UBR1: variants seen among roughly 807,000 people sequenced by gnomAD.
UBR1 encodes ubiquitin protein ligase E3 component n-recognin 1.
A neutral mutation model predicts 242.1 loss-of-function variants in UBR1; 102 were observed. The observed-to-expected ratio is 0.42, with a 90% CI of 0.36 to 0.50. UBR1 has a LOEUF of 0.50. Among genes scored for constraint, UBR1 ranks in the 20% least tolerant of loss-of-function variants. The pLI is 0.01. For synonymous variants in UBR1, 675 were observed against 684.8 expected (o/e 0.99, Z 0.22); for missense variants, 1,772 against 2,101.8 (o/e 0.84, Z 3.07).
intron 22 of UBR1, 114 bp from the exon 23 acceptor site, chr15:43,026,777 C>A: frequency 1.2e-6 from 1 of 849,968 alleles, no homozygotes; most frequent in Non-Finnish European, 1.8e-6. Flanking sequence ...AAAATTATGT[C>A]TCATTTAGCT....
Position 43,054,796 on chromosome 15 carries a change from T to C in UBR1, c.1385A>G (p.Gln462Arg), listed in dbSNP as rs757462259. 1.2e-6 allele frequency: 2 copies of C among 1,614,158 alleles called. No individual in the cohort carries two copies. Among genetic ancestry groups the C allele is most frequent in the Non-Finnish European group, 1.7e-6 (2 of 1,180,026 alleles). Residue 462 changes from glutamine to arginine, a missense_variant, in exon 12 of 47, where the codon CAG (glutamine) becomes CGG (arginine). Gln to Arg is a conservative substitution (Grantham distance 43, BLOSUM62 1). Around this residue, in one of 3 missense-constraint regions of UBR1, gnomAD observed 734 missense variants for 893.3 expected, o/e 0.82. Transcript: ENST00000290650. ...YLDRNNKFNF[Q>R]GYSQDKLGRV... is the part of the protein sequence containing the mutation. ...TCCCAATTTGTCCTGGCTATAACCC[T>C]GGAAGTTGAATTTATTGTTCCTGTC...
At chr15:43,002,528 T>A in intron 32 of UBR1, 27 bp downstream of exon 32, 1 of 1,609,346 alleles carries the variant, frequency 6.2e-7, no homozygotes, top group Non-Finnish European at 8.5e-7. Context: ...TTTTAAAAAA[T>A]TAACCAAAAC....
intron 39 of UBR1, among the ~76,000 whole-genome samples, chr15:42,972,753 G>A (rs2032227775): frequency 6.6e-6 from 1 of 152,172 alleles, no homozygotes; most frequent in Non-Finnish European, 1.5e-5. Context: ...ACCTATTGAA[G>A]GATGTCTTGG....
At chr15:43,021,559 A>T (rs1334736788) in intron 26 of UBR1, among the ~76,000 whole-genome samples, 184 bp from the exon 27 acceptor site, 1 of 152,198 alleles carries the variant, frequency 6.6e-6, no homozygotes, top group Non-Finnish European at 1.5e-5. Context: ...AATCATCTCT[A>T]GATTACTTAT....
intron 45 of UBR1, among the ~76,000 whole-genome samples, chr15:42,950,759 A>C (rs2031821079): frequency 6.6e-6 from 1 of 152,228 alleles, no homozygotes; most frequent in Non-Finnish European, 1.5e-5. Context: ...CTAGTCTGAT[A>C]ACCTCAAGCC....
chr15:43,011,657 T>C (rs1567124775), intron 29 of UBR1, among the ~76,000 whole-genome samples: 2 of 152,252 alleles, frequency 1.3e-5, no homozygotes, highest in Non-Finnish European at 2.9e-5. Context: ...CAAAGTAAAT[T>C]AGGCACGTAT....
intron 44 of UBR1, among the ~76,000 whole-genome samples, chr15:42,953,114 A>C (rs765394928): frequency 6.6e-6 from 1 of 152,114 alleles, no homozygotes; most frequent in Non-Finnish European, 1.5e-5. Flanking sequence ...TCTGGGAATC[A>C]CAGTAAGTCT....
intron 43 of UBR1, among the ~76,000 whole-genome samples, chr15:42,959,769 T>C (rs980140556): frequency 6.6e-6 from 1 of 152,228 alleles, no homozygotes; most frequent in Non-Finnish European, 1.5e-5. Flanking sequence ...GGATCTATTA[T>C]CACTAAATCT....
intron 46 of UBR1, among the ~76,000 whole-genome samples, chr15:42,946,510 T>C (rs1218060337): frequency 6.6e-6 from 1 of 152,218 alleles, no homozygotes; most frequent in Non-Finnish European, 1.5e-5. Context: ...AGTCATTAAC[T>C]ACTTTCACCA....
chr15:42,950,608 A>T (rs1323334648), intron 45 of UBR1: 5 of 498,668 alleles, frequency 1.0e-5, no homozygotes, highest in Non-Finnish European at 1.8e-5. Flanking sequence ...ATTTATACTG[A>T]CGGAATCTGT....
intron 12 of UBR1, among the ~76,000 whole-genome samples, chr15:43,049,470 G>A (rs7175062): frequency 0.027 from 4,076 of 152,264 alleles, 179 homozygotes; most frequent in African/African-American, 0.087. Context: ...GGCTGAAGCA[G>A]GAGAATGGCG....
At chr15:43,052,739 G>C (rs2033571808) in intron 12 of UBR1, among the ~76,000 whole-genome samples, 1 of 151,512 alleles carries the variant, frequency 6.6e-6, no homozygotes, top group Non-Finnish European at 1.5e-5. Flanking sequence ...ATGAGAGACT[G>C]AGAAAGCAAT....
In UBR1 at chr15:42,960,760, G is replaced by T. The variant is rs555041277; in HGVS notation, c.4701-59C>A. 2.5e-3 allele frequency: 3,786 copies of T among 1,537,808 alleles called. 8 individuals carry two copies. Among genetic ancestry groups the T allele is most frequent in the Non-Finnish European group, 3.2e-3 (3,524 of 1,116,276 alleles). ...TTATCACAGCTTCAATGCATGATTT[G>T]TCAACAAGCCATTCTCTTTTTTTTT... On this transcript the variant is annotated intron_variant, in intron 42 of 46. Coordinates refer to ENST00000290650, the MANE Select transcript of UBR1 (RefSeq NM_174916.3).
At chr15:43,052,943 C>A (rs1390122319) in intron 12 of UBR1, among the ~76,000 whole-genome samples, 1 of 152,086 alleles carries the variant, frequency 6.6e-6, no homozygotes, top group African/African-American at 2.4e-5. Context: ...TGACTTGAGG[C>A]AAATATTTAC....
rs570810098 is a variant in UBR1 at position 43,026,685 on chromosome 15, G to T, written c.2433-22C>A. On this transcript the variant is annotated intron_variant, in intron 22 of 46. Coordinates refer to ENST00000290650, the MANE Select transcript of UBR1 (RefSeq NM_174916.3). ...TTTCCTAAATAGATGGAAAATACAA[G>T]ATGAACTGCAGTGTTCTTGAAGTAT... is the stretch of plus-strand genomic sequence containing the variant. The T allele has an allele frequency of 1.9e-5, 30 of 1,570,912 alleles. No individual in the cohort carries two copies. In the African/African-American group the frequency reaches 3.8e-4, roughly 20 times the overall value.
At chr15:43,007,670 A>G (rs1478425257) in intron 29 of UBR1, among the ~76,000 whole-genome samples, 1 of 152,042 alleles carries the variant, frequency 6.6e-6, no homozygotes, top group East Asian at 1.9e-4. Context: ...AGAGATACCT[A>G]CTAGTAACCT....
Position 43,036,277 on chromosome 15 carries a change from A to C in UBR1, c.2091T>G (p.Ile697Met), listed in dbSNP as rs2033333925. ...TATTGGGATCCATTAAAGATGCACC[A>C]ATCTGTGAAAGAAATCCAGCATCAT... is the stretch of plus-strand genomic sequence containing the variant. ...MYDKDIIMLQ[I>M]GASLMDPNKF... Residue 697 changes from isoleucine (I) to methionine (M), a missense_variant and splice_region_variant, in exon 19 of 47, where the codon ATT becomes ATG. Coordinates refer to ENST00000290650, the MANE Select transcript of UBR1 (RefSeq NM_174916.3). 1 of 1,611,440 alleles carries C rather than the reference A, an allele frequency of 6.2e-7. No individual in the cohort carries two copies. The highest frequency in any genetic ancestry group is 8.5e-7 in the Non-Finnish European group (1 of 1,177,750).
intron 37 of UBR1, among the ~76,000 whole-genome samples, chr15:42,979,760 G>A (rs1022950609): frequency 4.6e-5 from 7 of 151,968 alleles, no homozygotes; most frequent in African/African-American, 9.7e-5. Context: ...GTTTTGCCAC[G>A]TTGGCCAGGC....
At chr15:43,017,008 C>T (rs1596103260) in intron 28 of UBR1, 87 bp downstream of exon 28, 2 of 1,034,506 alleles carry the variant, frequency 1.9e-6, no homozygotes, top group Non-Finnish European at 1.5e-6. Flanking sequence ...TTTCTCCTAA[C>T]AAAAAAGCAG....
Sources: gnomAD v4.1 joint callset for allele counts (sites outside exome capture counted in the v4.1 genomes callset) on GRCh38, gnomAD v4.1.1 for gene constraint, gnomAD v4.1.1 regional missense constraint, MANE v1.5 for transcripts, NCBI Gene and HGNC (gene_info 2026-07-23, HGNC 2026-07-21) for gene names.